Variants in STX2 observed in about 807,000 individuals in gnomAD.
STX2 encodes the protein syntaxin 2.
STX2 carries 27 observed loss-of-function variants against 40.6 expected under a neutral mutation model. That is an observed-to-expected ratio of 0.66 (90% CI 0.49 to 0.92). STX2 has a LOEUF of 0.92. STX2 is among the 40% of genes least tolerant of loss of function. The pLI, the probability that STX2 is intolerant of heterozygous loss-of-function variation, is 0.00. For missense variants in STX2, 328 were observed against 366.1 expected (o/e 0.90, Z 0.85); for synonymous variants, 123 against 119.1 (o/e 1.03, Z -0.22).
chr12:130,799,905 T>G (rs1951162238), intron 8 of STX2, among the ~76,000 whole-genome samples: 1 of 152,186 alleles, frequency 6.6e-6, no homozygotes, highest in Non-Finnish European at 1.5e-5. Context: ...CTTAACAAGG[T>G]TGCTGAAGCA....
intron 1 of STX2, 33 bp from the exon 2 acceptor site, chr12:130,827,300 A>G: frequency 6.3e-7 from 1 of 1,577,946 alleles, no homozygotes; most frequent in South Asian, 1.1e-5. Flanking sequence ...CAGTTTTTTA[A>G]AATTTTTATG....
chr12:130,818,185 A>AAAATATATATATATATATATATATAT, intron 3 of STX2, among the ~76,000 whole-genome samples: 3 of 70,544 alleles, frequency 4.3e-5, no homozygotes, highest in African/African-American at 1.2e-4. Context: ...AAAAAAAAAA[A>AAAATATATATATATATATATATATAT]ATATATATAT....
intron 3 of STX2, among the ~76,000 whole-genome samples, chr12:130,813,775 A>G (rs1002888836): frequency 8.6e-6 from 1 of 116,030 alleles, no homozygotes; most frequent in Non-Finnish European, 2.0e-5. Flanking sequence ...TTGCCAGTCC[A>G]GTGGCTGAAG....
At chr12:130,823,883 C>G (rs1952204869) in intron 2 of STX2, among the ~76,000 whole-genome samples, 1 of 152,218 alleles carries the variant, frequency 6.6e-6, no homozygotes, top group Non-Finnish European at 1.5e-5. Context: ...GCTTAATAGA[C>G]AGCACCCTGA....
intron 6 of STX2, among the ~76,000 whole-genome samples, chr12:130,802,564 C>T (rs1951273255): frequency 6.6e-6 from 1 of 152,168 alleles, no homozygotes; most frequent in Non-Finnish European, 1.5e-5. Flanking sequence ...GTGGTGCAAT[C>T]TCAGCTCACT....
Position 130,812,957 on chromosome 12 carries a change from C to T in STX2, c.280G>A (p.Ala94Thr), listed in dbSNP as rs1366023579. 1.3e-6 allele frequency: 2 copies of T among 1,549,342 alleles called. No homozygotes were observed. Among genetic ancestry groups the T allele is most frequent in the Non-Finnish European group, 1.7e-6 (2 of 1,151,170 alleles). ...ATTAAACATAAAACTTCAAACTTAC[C>T]CTTTAACTTGGCTCGAATTTTATTC... ...TANKIRAKLK[A>T]IEQSFDQDES... The change falls in exon 4 of 11, where the codon GCT (alanine) becomes ACT (threonine). Residue 94 changes from alanine to threonine, a missense_variant and splice_region_variant. Transcript: ENST00000392373.
At chr12:130,835,799 C>A (rs565810757) in intron 1 of STX2, among the ~76,000 whole-genome samples, 4 of 152,108 alleles carry the variant, frequency 2.6e-5, no homozygotes, top group Non-Finnish European at 4.4e-5. Context: ...AGATCTGGAC[C>A]AAGTCACGCA....
intron 2 of STX2, among the ~76,000 whole-genome samples, chr12:130,822,140 G>A (rs1429651847): frequency 2.0e-5 from 3 of 152,144 alleles, no homozygotes; most frequent in Non-Finnish European, 4.4e-5. Context: ...AAAACATGCA[G>A]GCACAGTGGC....
intron 6 of STX2, among the ~76,000 whole-genome samples, chr12:130,806,459 G>A (rs1386869827): frequency 2.0e-5 from 3 of 152,182 alleles, no homozygotes; most frequent in Admixed American, 6.5e-5. Flanking sequence ...TGAAGGACCC[G>A]AGCTTGGGAA....
At chr12:130,809,537 C>T (rs1397376388) in intron 4 of STX2, among the ~76,000 whole-genome samples, 1 of 152,124 alleles carries the variant, frequency 6.6e-6, no homozygotes, top group Non-Finnish European at 1.5e-5. Context: ...TACAGAGGAG[C>T]CGGGTGCAGT....
intron 1 of STX2, among the ~76,000 whole-genome samples, chr12:130,837,790 A>G (rs1952796364): frequency 6.6e-6 from 1 of 152,214 alleles, no homozygotes; most frequent in Non-Finnish European, 1.5e-5. Context: ...GCAAGACAAC[A>G]CAACTATAAT....
intron 6 of STX2, among the ~76,000 whole-genome samples, chr12:130,802,156 T>C (rs535457930): frequency 6.6e-5 from 10 of 152,352 alleles, no homozygotes; most frequent in African/African-American, 2.4e-4. Flanking sequence ...AGCTGCACAC[T>C]GACATACGAC....
intron 1 of STX2, among the ~76,000 whole-genome samples, chr12:130,830,161 C>CCCCA (rs1458540174): frequency 2.6e-5 from 4 of 152,210 alleles, no homozygotes; most frequent in Non-Finnish European, 5.9e-5. Flanking sequence ...ACTTCCTACC[C>CCCCA]CCCACACCAC....
At chr12:130,821,861 A>G in intron 2 of STX2, 73 bp from the exon 3 acceptor site, 1 of 875,586 alleles carries the variant, frequency 1.1e-6, no homozygotes, top group Non-Finnish European at 1.9e-6. Context: ...CTAAAAGGGG[A>G]AGAATAAAGG....
Position 130,801,235 on chromosome 12 carries a change from T to C in STX2, c.593A>G (p.His198Arg). 1.2e-6 allele frequency: 2 copies of C among 1,613,996 alleles called. No homozygotes were observed. The highest frequency in any genetic ancestry group is 4.5e-5 in the East Asian group (2 of 44,882). ...GGTCTCCAGCTTCATGATGTCCTTG[T>C]GACGTGACTCGATTTCATTGAGAGC... Reference protein sequence around the residue: ...RQALNEIESRHKDIMKLETSI... With the variant: ...RQALNEIESRRKDIMKLETSI... Residue 198 changes from histidine (H) to arginine (R), a missense_variant, in exon 8 of 11, where the codon CAC becomes CGC. By Grantham distance (29) the His-to-Arg change is conservative. Coordinates refer to ENST00000392373, the MANE Select transcript of STX2 (RefSeq NM_194356.4).
intron 2 of STX2, among the ~76,000 whole-genome samples, chr12:130,823,758 G>A (rs1206701282): frequency 6.6e-6 from 1 of 152,226 alleles, no homozygotes; most frequent in Admixed American, 6.5e-5. Flanking sequence ...TACAGCAGCA[G>A]CAGGAAACTG....
chr12:130,818,170 C>CAA lies in STX2; in HGVS notation c.205+3517_205+3518dup, dbSNP rs756794046. ...AACACAGTGAGAAACGCTGTTTCTA[C>CAA]AAAAAAAAAAAAAAAATATATATAT... On this transcript the variant is annotated intron_variant, in intron 3 of 10. Transcript: ENST00000392373. Among the ~76,000 whole-genome samples the CAA allele has an allele frequency of 1.4e-3, 68 of 49,842 alleles. 5 individuals carry two copies. Among genetic ancestry groups the CAA allele is most frequent in the African/African-American group, 5.0e-3 (32 of 6,394 alleles). 32.7% of individuals were successfully genotyped at this position (49,842 alleles called of 152,430 possible). A position where few individuals can be genotyped will look rare whatever the true frequency, so the allele number is the denominator to read the frequency against.
At chr12:130,829,759 C>T (rs1333352570) in intron 1 of STX2, among the ~76,000 whole-genome samples, 1 of 152,174 alleles carries the variant, frequency 6.6e-6, no homozygotes, top group Non-Finnish European at 1.5e-5. Context: ...AGGCGCAGGG[C>T]CAGGAATGAT....
At position 130,806,940 on chromosome 12, in the gene STX2, G is replaced by T. The variant is rs117327045; in HGVS notation, c.463+42C>A. The T allele has an allele frequency of 4.9e-3, 7,662 of 1,567,166 alleles. 28 individuals are homozygous for T. The highest frequency in any genetic ancestry group is 6.1e-3 in the Non-Finnish European group (6,968 of 1,139,732). On this transcript the variant is annotated intron_variant, in intron 6 of 10. Coordinates refer to ENST00000392373, the MANE Select transcript of STX2 (RefSeq NM_194356.4). ...TCATTTGAAGTGAGACCTTAAGGGA[G>T]AAAAACATGATTTTAACAAAGACGG...
Sources: gnomAD v4.1 joint callset for allele counts (sites outside exome capture counted in the v4.1 genomes callset) on GRCh38, gnomAD v4.1.1 for gene constraint, MANE v1.5 for transcripts, NCBI Gene and HGNC (gene_info 2026-07-23, HGNC 2026-07-21) for gene names.